The following FZR1 variants were observed in gnomAD, a reference collection of about 807,000 sequenced individuals.
FZR1 encodes fizzy and cell division cycle 20 related 1, also known as fizzy-related protein homolog.
FZR1 carries 11 observed loss-of-function variants against 63.6 expected under a neutral mutation model. That is an observed-to-expected ratio of 0.17 (90% CI 0.11 to 0.29). The LOEUF (loss-of-function observed/expected upper bound fraction) is 0.29. FZR1 is among the 10% of genes least tolerant of loss of function. The pLI is 1.00. For synonymous variants in FZR1, 328 were observed against 297.9 expected, an observed-to-expected ratio of 1.10 and a Z score of -1.04; for missense variants, 440 against 687.5, an observed-to-expected ratio of 0.64 and a Z score of 4.03.
Position 3,525,148 on chromosome 19 carries a change from A to G in FZR1, c.70-720A>G, listed in dbSNP as rs887166849. Among the ~76,000 whole-genome samples, 6 of 152,160 alleles carry G rather than the reference A, an allele frequency of 3.9e-5. No individual in the cohort carries two copies. The highest frequency in any genetic ancestry group is 1.4e-4 in the African/African-American group (6 of 41,440). On this transcript the variant is annotated intron_variant, in intron 2 of 13. Transcript: ENST00000441788. The surrounding 1 kb of genome is among the most constrained non-coding windows in gnomAD (Gnocchi z 4.2). ...CAGCTGTTGCGTGTCTTGTGCCGTC[A>G]AGGCCTGCGTCTGTGATCATCTAGA...
In FZR1 at chr19:3,526,174, A is replaced by G; in HGVS notation, c.250A>G (p.Asn84Asp). 9 of 1,612,790 alleles carry G rather than the reference A, an allele frequency of 5.6e-6. No individual in the cohort carries two copies. Among genetic ancestry groups the G allele is most frequent in the Non-Finnish European group, 6.8e-6 (8 of 1,179,960 alleles). ...GAAAGCCAAGGACGCCACCTCAGACAACGGCAAAGGTTAGGGTCCCAGCCC... is the reference window on the plus strand; with the variant it reads ...GAAAGCCAAGGACGCCACCTCAGACGACGGCAAAGGTTAGGGTCCCAGCCC... ...NRKAKDATSD[N>D]GKDGLAYSAL... The change falls in exon 4 of 14, where the codon AAC becomes GAC. Residue 84 changes from asparagine (N) to aspartate (D), a missense_variant. By Grantham distance (23) the Asn-to-Asp change is conservative. Coordinates refer to ENST00000441788, the MANE Select transcript of FZR1 (RefSeq NM_016263.4). This position sits in a 1 kb window ranked among gnomAD's most constrained non-coding sequence, Gnocchi z 5.4.
intron 1 of FZR1, among the ~76,000 whole-genome samples, chr19:3,507,695 G>A (rs2082994931): frequency 6.6e-6 from 1 of 152,240 alleles, no homozygotes; most frequent in Non-Finnish European, 1.5e-5. Context: ...ACTTTGAAGT[G>A]AAGGCGGAGT....
intron 2 of FZR1, among the ~76,000 whole-genome samples, chr19:3,524,266 G>A (rs181260787): frequency 1.5e-3 from 234 of 152,330 alleles, no homozygotes; most frequent in Middle Eastern, 6.8e-3. Context: ...AGGGCGGGGC[G>A]CAGTGCGAGG....
intron 1 of FZR1, among the ~76,000 whole-genome samples, chr19:3,509,649 C>T (rs1304802273): frequency 6.6e-6 from 1 of 152,228 alleles, no homozygotes; most frequent in Non-Finnish European, 1.5e-5. Context: ...CCTGTCTCCC[C>T]TGCCTCTGTG....
At chr19:3,507,743 G>C (rs555128429) in intron 1 of FZR1, among the ~76,000 whole-genome samples, 1 of 152,266 alleles carries the variant, frequency 6.6e-6, no homozygotes, top group South Asian at 2.1e-4. Context: ...AGAAGCTGAC[G>C]GCATCACCTA....
At chr19:3,518,059 G>C (rs1371390897) in intron 1 of FZR1, among the ~76,000 whole-genome samples, 4 of 146,266 alleles carry the variant, frequency 2.7e-5, no homozygotes, top group African/African-American at 5.1e-5. Context: ...GTGTCACCCA[G>C]GCTGGAGTGC....
intron 1 of FZR1, among the ~76,000 whole-genome samples, chr19:3,512,927 G>A (rs1016444560): frequency 6.6e-6 from 1 of 152,180 alleles, no homozygotes. Context: ...AGAGCAGACA[G>A]CGGATAGCTG....
At chr19:3,530,398 G>A (rs571656196) in intron 7 of FZR1, among the ~76,000 whole-genome samples, 64 of 133,154 alleles carry the variant, frequency 4.8e-4, no homozygotes, top group Non-Finnish European at 9.0e-4. Context: ...ATGGGTGAGC[G>A]GATGGGAGAG....
At chr19:3,521,779 CGTG>C (rs2083104223) in intron 1 of FZR1, among the ~76,000 whole-genome samples, 1 of 152,024 alleles carries the variant, frequency 6.6e-6, no homozygotes, top group Non-Finnish European at 1.5e-5. Flanking sequence ...GGATTACAGG[CGTG>C]AGCCACCGTG....
At position 3,525,286 on chromosome 19, in the gene FZR1, T is replaced by C. The variant is rs1399622076; in HGVS notation, c.70-582T>C. Among the ~76,000 whole-genome samples, 1 of 152,070 alleles carries C rather than the reference T, an allele frequency of 6.6e-6. No individual in the cohort carries two copies. The highest frequency in any genetic ancestry group is 1.5e-5 in the Non-Finnish European group (1 of 68,012). On this transcript the variant is annotated intron_variant, in intron 2 of 13. Coordinates refer to ENST00000441788, the MANE Select transcript of FZR1 (RefSeq NM_016263.4). The surrounding 1 kb of genome is among the most constrained non-coding windows in gnomAD (Gnocchi z 4.2). ...ATTCCTGCCACTCCACCCCGTCCCG[T>C]GGCCCTGCCCTCACCACCCTCCTGC...
rs141019345 is a variant in FZR1 at position 3,523,562 on chromosome 19, C to T, written c.69+504C>T. 5.1e-3 allele frequency among the ~76,000 whole-genome samples: 774 copies of T among 152,346 alleles called. 10 individuals are homozygous for T. The highest frequency in any genetic ancestry group is 0.018 in the African/African-American group (739 of 41,574). On this transcript the variant is annotated intron_variant, in intron 2 of 13. Transcript: ENST00000441788. ...CACATCCCTCACCTGCTTCCCCACCCGACTCCTGCGGGGGGCTGAGGGGCC... is the reference window on the plus strand; with the variant it reads ...CACATCCCTCACCTGCTTCCCCACCTGACTCCTGCGGGGGGCTGAGGGGCC...
chr19:3,534,498 A>G lies in FZR1; in HGVS notation c.1425A>G (p.Lys475=), dbSNP rs1377719609. The G allele has an allele frequency of 1.9e-6, 3 of 1,607,096 alleles. No homozygotes were observed. Among genetic ancestry groups the G allele is most frequent in the Non-Finnish European group, 2.6e-6 (3 of 1,176,292 alleles). The part of the protein sequence containing the change: ...ETLRFWNVFS[K]TRSTKESVSV... ...TGAGGTTCTGGAACGTCTTTAGCAA[A>G]ACCCGTTCGACAAAGGTAAAGTGGG... Residue 475 remains lysine (K), a synonymous_variant, in exon 13 of 14, where the codon AAA becomes AAG. Coordinates refer to ENST00000441788, the MANE Select transcript of FZR1 (RefSeq NM_016263.4).
intron 8 of FZR1, 59 bp from the exon 9 acceptor site, chr19:3,531,655 C>G: frequency 8.0e-7 from 1 of 1,245,442 alleles, no homozygotes; most frequent in Non-Finnish European, 1.1e-6. Context: ...AACGCCAGGA[C>G]GGGCACAGTC....
At chr19:3,518,567 C>T (rs997058696) in intron 1 of FZR1, among the ~76,000 whole-genome samples, 7 of 152,158 alleles carry the variant, frequency 4.6e-5, no homozygotes, top group Admixed American at 1.3e-4. Context: ...CTTGTGCCCG[C>T]GCTCCTGTGC....
rs199756245 is a variant in FZR1 at position 3,531,728 on chromosome 19, G to A, written c.735G>A (p.Ala245=). Residue 245 remains alanine, a synonymous_variant, in exon 9 of 14, where the codon GCG becomes GCA. Transcript: ENST00000441788. ...TTCCATCCTAGGGGAACCTGGTGGC[G>A]GTGGGCACACACAAGGGCTTCGTGC... ...VGWSERGNLV[A]VGTHKGFVQI... 76 of 1,549,330 alleles carry A rather than the reference G, an allele frequency of 4.9e-5. 1 individual carries two copies. In the African/African-American group the frequency reaches 6.6e-4, roughly 13 times the overall value.
Position 3,515,782 on chromosome 19 carries a change from A to T in FZR1, c.-34-7174A>T, listed in dbSNP as rs1276926988. On this transcript the variant is annotated intron_variant, in intron 1 of 13. Coordinates refer to ENST00000441788, the MANE Select transcript of FZR1 (RefSeq NM_016263.4). The surrounding 1 kb of genome is among the most constrained non-coding windows in gnomAD (Gnocchi z 4.6). ...CTCCGTCTCTAAAAAAAAAAAAAAA[A>T]GGAATTCAAGAAGTACAAAACGAGG... is the stretch of plus-strand genomic sequence containing the variant. 7.0e-6 allele frequency among the ~76,000 whole-genome samples: 1 copy of T among 142,360 alleles called. No homozygotes were observed. The highest frequency in any genetic ancestry group is 1.5e-5 in the Non-Finnish European group (1 of 65,876). 93.4% of individuals were successfully genotyped at this position (142,360 alleles called of 152,430 possible). A position where few individuals can be genotyped will look rare whatever the true frequency, so the allele number is the denominator to read the frequency against.
Position 3,526,265 on chromosome 19 carries a change from T to C in FZR1, c.266T>C (p.Leu89Pro). The change falls in exon 5 of 14, where the codon CTG (leucine) becomes CCG (proline). Residue 89 changes from leucine to proline, a missense_variant. Coordinates refer to ENST00000441788, the MANE Select transcript of FZR1 (RefSeq NM_016263.4). The surrounding 1 kb of genome is among the most constrained non-coding windows in gnomAD (Gnocchi z 5.4). ...CTGTGCTTGGTGCCCGCAGACGGCC[T>C]GGCCTACTCTGCCCTGCTCAAGAAT... ...DATSDNGKDG[L>P]AYSALLKNEL... is the part of the protein sequence containing the mutation. 6.2e-7 allele frequency: 1 copy of C among 1,611,256 alleles called. No homozygotes were observed. The highest frequency in any genetic ancestry group is 8.5e-7 in the Non-Finnish European group (1 of 1,179,440).
rs957161311 is a variant in FZR1 at position 3,517,407 on chromosome 19, C to T, written c.-34-5549C>T. On this transcript the variant is annotated intron_variant, in intron 1 of 13. Transcript: ENST00000441788. ...CCGGTCTCAAAAATAAAAATCCTGGCTGGGCGCTGTGGCTCACACCTGTAA... is the reference window on the plus strand; with the variant it reads ...CCGGTCTCAAAAATAAAAATCCTGGTTGGGCGCTGTGGCTCACACCTGTAA... 5.9e-5 allele frequency among the ~76,000 whole-genome samples: 9 copies of T among 152,032 alleles called. 1 individual carries two copies. In the South Asian group the frequency reaches 1.2e-3, roughly 21 times the overall value.
At chr19:3,529,984 G>A (rs1425457419) in intron 7 of FZR1, among the ~76,000 whole-genome samples, 2 of 126,102 alleles carry the variant, frequency 1.6e-5, no homozygotes, top group African/African-American at 6.6e-5. Context: ...TTGAGGGAGT[G>A]GATGGTTGAG....
Sources: gnomAD v4.1 joint callset for allele counts (sites outside exome capture counted in the v4.1 genomes callset) on GRCh38, gnomAD v4.1.1 for gene constraint, Gnocchi (gnomAD v3.1) non-coding constraint, MANE v1.5 for transcripts, NCBI Gene and HGNC (gene_info 2026-07-23, HGNC 2026-07-21) for gene names.